The following VRK2 variants were observed in gnomAD, a reference collection of about 807,000 sequenced individuals.
VRK2 encodes the protein VRK serine/threonine kinase 2.
In VRK2, 60 loss-of-function variants were observed where a neutral mutation model predicts 57.6. That is an observed-to-expected ratio of 1.04 (90% CI 0.85 to 1.29). VRK2 has a LOEUF of 1.29. Among genes scored for constraint, VRK2 ranks in the 50% most tolerant of loss-of-function variants. The pLI, the probability that VRK2 is intolerant of heterozygous loss-of-function variation, is 0.00. For synonymous variants in VRK2, 231 were observed against 199.2 expected (o/e 1.16, Z -1.35); for missense variants, 705 against 588.1 (o/e 1.20, Z -2.06).
At chr2:58,143,990 T>C (rs987486937) in intron 11 of VRK2, among the ~76,000 whole-genome samples, 3 of 151,404 alleles carry the variant, frequency 2.0e-5, no homozygotes, top group Non-Finnish European at 3.0e-5. Flanking sequence ...TGCACACATA[T>C]ATACACATAC....
chr2:57,987,479 T>G (rs1037865955), intron 1 of VRK2, among the ~76,000 whole-genome samples: 4 of 152,112 alleles, frequency 2.6e-5, no homozygotes, highest in African/African-American at 9.7e-5. Flanking sequence ...TTGAATAGCT[T>G]TAAAAAAAAA....
Position 58,021,247 on chromosome 2 carries a change from AT to A in VRK2, c.-438-4409del, listed in dbSNP as rs541497926. Among the ~76,000 whole-genome samples the A allele has an allele frequency of 6.6e-3, 1,004 of 151,432 alleles. 12 individuals are homozygous for A. The highest frequency in any genetic ancestry group is 0.023 in the African/African-American group (940 of 41,270). On this transcript the variant is annotated intron_variant, in intron 1 of 15. Coordinates refer to the VRK2 transcript ENST00000417641. ...CAAATGAGTGAAAAATTAAAATGTGATTTTTTTTTCCCTCCTTTCCAAGCTC... is the reference window on the plus strand; with the variant it reads ...CAAATGAGTGAAAAATTAAAATGTGATTTTTTTTCCCTCCTTTCCAAGCTC...
chr2:57,953,086 G>T (rs551505128), intron 1 of VRK2, among the ~76,000 whole-genome samples: 16 of 152,314 alleles, frequency 1.1e-4, no homozygotes, highest in Admixed American at 9.2e-4. Context: ...AAGACAAAAG[G>T]TGAGGAGGAG....
At chr2:57,973,578 G>A (rs1041424959) in intron 1 of VRK2, among the ~76,000 whole-genome samples, 6 of 151,700 alleles carry the variant, frequency 4.0e-5, no homozygotes, top group Admixed American at 3.9e-4. Context: ...TAAGATGAAA[G>A]GAAAAGAGCT....
At chr2:58,113,227 T>A (rs989148400) in intron 7 of VRK2, among the ~76,000 whole-genome samples, 1 of 150,200 alleles carries the variant, frequency 6.7e-6, no homozygotes, top group South Asian at 2.1e-4. Flanking sequence ...GAGACTCACA[T>A]GAACCCGGGA....
At chr2:58,084,564 G>A (rs2104156984) in intron 3 of VRK2, among the ~76,000 whole-genome samples, 1 of 152,004 alleles carries the variant, frequency 6.6e-6, no homozygotes, top group South Asian at 2.1e-4. Flanking sequence ...GTATATGTTG[G>A]TATACAGTGA....
chr2:57,990,789 T>C (rs930197819), intron 1 of VRK2, among the ~76,000 whole-genome samples: 1 of 152,152 alleles, frequency 6.6e-6, no homozygotes, highest in Non-Finnish European at 1.5e-5. Context: ...GCTGTTCACA[T>C]GGGAAAAGAC....
At chr2:57,967,827 A>C (rs760271759) in intron 1 of VRK2, among the ~76,000 whole-genome samples, 3 of 151,780 alleles carry the variant, frequency 2.0e-5, no homozygotes, top group Non-Finnish European at 1.5e-5. Context: ...CCAGGAATAA[A>C]TTAAAAGGGA....
chr2:58,068,017 C>T (rs985172011), intron 2 of VRK2, among the ~76,000 whole-genome samples: 8 of 151,912 alleles, frequency 5.3e-5, no homozygotes, highest in Non-Finnish European at 1.0e-4. Context: ...GCAGCCTGCA[C>T]CTCCTGGGTT....
At chr2:58,044,613 G>C (rs1438062541), upstream of VRK2, among the ~76,000 whole-genome samples, 1 of 152,122 alleles carries the variant, frequency 6.6e-6, no homozygotes, top group Admixed American at 6.5e-5. Context: ...AAATATTGTG[G>C]GTGAGCTGAA....
chr2:57,975,727 G>A (rs1672230493), intron 1 of VRK2, among the ~76,000 whole-genome samples: 1 of 151,424 alleles, frequency 6.6e-6, no homozygotes, highest in Non-Finnish European at 1.5e-5. Context: ...ACTTATAAGT[G>A]AGAACATGCC....
At position 58,129,644 on chromosome 2, in the gene VRK2, G is replaced by T. The variant is rs527746127; in HGVS notation, c.677-2164G>T. ...CATTTGTTTTTAATTAATTTAACAG[G>T]TATTAAAATTACTCCTCTGTGTACA... On this transcript the variant is annotated intron_variant, in intron 8 of 12. Transcript: ENST00000340157. 2.6e-4 allele frequency among the ~76,000 whole-genome samples: 40 copies of T among 152,196 alleles called. 2 individuals carry two copies. The South Asian group carries it at 8.1e-3, about 31-fold the overall frequency.
chr2:58,079,732 T>G (rs982285807), intron 2 of VRK2, among the ~76,000 whole-genome samples: 11 of 151,960 alleles, frequency 7.2e-5, no homozygotes, highest in African/African-American at 2.7e-4. Flanking sequence ...TTTGCTTAGT[T>G]TTATTTTCTC....
intron 1 of VRK2, among the ~76,000 whole-genome samples, chr2:58,024,746 G>A (rs570932023): frequency 1.6e-4 from 24 of 152,118 alleles, no homozygotes; most frequent in African/African-American, 4.8e-4. Flanking sequence ...ATAAAGAATC[G>A]ACTCCTACAA....
At chr2:57,970,103 T>C (rs1346299258) in intron 1 of VRK2, among the ~76,000 whole-genome samples, 1 of 149,804 alleles carries the variant, frequency 6.7e-6, no homozygotes, top group African/African-American at 2.4e-5. Flanking sequence ...TATATTTATA[T>C]TTATATACAC....
At chr2:57,978,400 A>T (rs1261510081) in intron 1 of VRK2, among the ~76,000 whole-genome samples, 1 of 151,104 alleles carries the variant, frequency 6.6e-6, no homozygotes, top group Non-Finnish European at 1.5e-5. Flanking sequence ...TCTAGATCTC[A>T]GCCATGTCCA....
intron 1 of VRK2, among the ~76,000 whole-genome samples, chr2:57,940,048 T>C (rs1671043343): frequency 6.6e-6 from 1 of 152,126 alleles, no homozygotes. Flanking sequence ...TATACTTTCA[T>C]AAAAGTCATT....
At chr2:57,950,244 T>A (rs1671384531) in intron 1 of VRK2, among the ~76,000 whole-genome samples, 1 of 152,260 alleles carries the variant, frequency 6.6e-6, no homozygotes. Context: ...CGATGCCATC[T>A]AGGACTTCCA....
intron 1 of VRK2, among the ~76,000 whole-genome samples, chr2:57,984,043 A>G (rs1672515540): frequency 6.6e-6 from 1 of 152,144 alleles, no homozygotes; most frequent in Non-Finnish European, 1.5e-5. Flanking sequence ...GGAGCTCACA[A>G]ACTTTTTCTA....
Sources: gnomAD v4.1 joint callset for allele counts (sites outside exome capture counted in the v4.1 genomes callset) on GRCh38, gnomAD v4.1.1 for gene constraint, MANE v1.5 for transcripts, NCBI Gene and HGNC (gene_info 2026-07-23, HGNC 2026-07-21) for gene names.